Variants in RIN3 observed in about 807,000 individuals in gnomAD.
RIN3 encodes RAB5 interacting protein 3.
In RIN3, 54 loss-of-function variants were observed where a neutral mutation model predicts 76.3. That is an observed-to-expected ratio of 0.71 (90% CI 0.57 to 0.89). The LOEUF is 0.89. Among genes scored for constraint, RIN3 ranks in the 40% least tolerant of loss-of-function variants. The pLI, the probability that RIN3 is intolerant of heterozygous loss-of-function variation, is 0.00. For missense variants in RIN3, 1,256 were observed against 1,322.1 expected, an observed-to-expected ratio of 0.95 and a Z score of 0.78; for synonymous variants, 576 against 564.0, an observed-to-expected ratio of 1.02 and a Z score of -0.30.
chr14:92,583,884 G>A lies in RIN3; in HGVS notation c.367+6407G>A, dbSNP rs570571218. On this transcript the variant is annotated intron_variant, in intron 3 of 9. Transcript: ENST00000216487. ...AGATTCTCATAAGGAGCCTGCAACC[G>A]GGATCCCTTCCATGCACAGTTCACA... 4.2e-4 allele frequency among the ~76,000 whole-genome samples: 64 copies of A among 152,236 alleles called. No individual in the cohort carries two copies. The South Asian group carries it at 4.8e-3, about 11-fold the overall frequency.
intron 3 of RIN3, among the ~76,000 whole-genome samples, 162 bp downstream of exon 3, chr14:92,577,639 T>G (rs992621766): frequency 2.6e-5 from 4 of 152,202 alleles, no homozygotes; most frequent in Non-Finnish European, 5.9e-5. Flanking sequence ...CAGACTTGTT[T>G]TGAACTCAGT....
Position 92,513,807 on chromosome 14 carries a change from G to T in RIN3, c.-126G>T. On this transcript the variant is annotated 5_prime_UTR_variant, in exon 1 of 10. Transcript: ENST00000216487. ...GAAGGGAGCGAGAGCCCCAGAGCGC[G>T]GCGGCAGCGGCGGCCTGGCCCTTCC... The T allele has an allele frequency of 2.0e-6, 1 of 509,982 alleles. No individual in the cohort carries two copies. Among genetic ancestry groups the T allele is most frequent in the African/African-American group, 2.0e-5 (1 of 50,228 alleles). 31.6% of individuals were successfully genotyped at this position (509,982 alleles called of 1,614,324 possible). A position where few individuals can be genotyped will look rare whatever the true frequency, so the allele number is the denominator to read the frequency against.
rs1340896943 is a variant in RIN3 at position 92,623,903 on chromosome 14, C to A, written c.440+8424C>A. On this transcript the variant is annotated intron_variant, in intron 4 of 9. Transcript: ENST00000216487. This position sits in a 1 kb window ranked among gnomAD's most constrained non-coding sequence, Gnocchi z 4.9. ...AGGCTGGATGGCCCTCGGGGGCTCA[C>A]CCTCAAGGTGTTGAGTTTCAGGGAA... 6.6e-6 allele frequency among the ~76,000 whole-genome samples: 1 copy of A among 152,248 alleles called. No individual in the cohort carries two copies. The highest frequency in any genetic ancestry group is 1.5e-5 in the Non-Finnish European group (1 of 68,048).
intron 3 of RIN3, among the ~76,000 whole-genome samples, chr14:92,610,015 TC>T (rs1211654136): frequency 6.6e-6 from 1 of 152,058 alleles, no homozygotes; most frequent in Non-Finnish European, 1.5e-5. Flanking sequence ...TCTTCCAAGA[TC>T]AAGGCGCTGG....
intron 1 of RIN3, among the ~76,000 whole-genome samples, chr14:92,547,738 G>A (rs918776677): frequency 6.8e-5 from 9 of 133,126 alleles, no homozygotes; most frequent in African/African-American, 2.5e-4. Context: ...GAGTCTCGCT[G>A]TGTCACCCAG....
chr14:92,627,310 A>G (rs1248129410), intron 4 of RIN3, among the ~76,000 whole-genome samples: 1 of 152,120 alleles, frequency 6.6e-6, no homozygotes, highest in Non-Finnish European at 1.5e-5. Flanking sequence ...ACTTCATCCT[A>G]TCTGGCCACT....
chr14:92,661,946 A>G (rs1010046085), intron 7 of RIN3, among the ~76,000 whole-genome samples: 2 of 152,160 alleles, frequency 1.3e-5, no homozygotes, highest in African/African-American at 4.8e-5. Context: ...GCAGCCTAGA[A>G]CCCAGAGAAC....
Position 92,585,494 on chromosome 14 carries a change from T to C in RIN3, c.367+8017T>C, listed in dbSNP as rs117075200. 1.3e-3 allele frequency among the ~76,000 whole-genome samples: 201 copies of C among 152,340 alleles called. 1 individual carries two copies. In the East Asian group the frequency reaches 0.016, roughly 12 times the overall value. ...AGTTAGCACAAGGGTTCACTACATT[T>C]GCCCATGACATGGGCTCCCTTCCCA... On this transcript the variant is annotated intron_variant, in intron 3 of 9. Coordinates refer to ENST00000216487, the MANE Select transcript of RIN3 (RefSeq NM_024832.5).
rs142722755 is a variant in RIN3 at position 92,585,068 on chromosome 14, G to A, written c.367+7591G>A. Among the ~76,000 whole-genome samples, 109 of 152,146 alleles carry A rather than the reference G, an allele frequency of 7.2e-4. 1 individual carries two copies. Among genetic ancestry groups the A allele is most frequent in the East Asian group, 9.7e-4 (5 of 5,170 alleles). ...GTTGCCCAGGCTACAGTGCGGTGGC[G>A]CAATCATAGCTCACTGCAACCGCAG... On this transcript the variant is annotated intron_variant, in intron 3 of 9. Coordinates refer to ENST00000216487, the MANE Select transcript of RIN3 (RefSeq NM_024832.5).
At chr14:92,579,218 G>A (rs908511026) in intron 3 of RIN3, among the ~76,000 whole-genome samples, 3 of 152,300 alleles carry the variant, frequency 2.0e-5, no homozygotes, top group South Asian at 2.1e-4. Flanking sequence ...GTGAGCCACC[G>A]TGCCCGGCCC....
At chr14:92,628,321 T>G (rs552520993) in intron 4 of RIN3, among the ~76,000 whole-genome samples, 1 of 151,622 alleles carries the variant, frequency 6.6e-6, no homozygotes, top group South Asian at 2.1e-4. Context: ...AATTTGGGGG[T>G]CAAGCAGCAT....
intron 3 of RIN3, among the ~76,000 whole-genome samples, chr14:92,584,785 G>C (rs1007883356): frequency 2.6e-5 from 4 of 152,164 alleles, no homozygotes; most frequent in Non-Finnish European, 5.9e-5. Flanking sequence ...TCATTGATGG[G>C]CTTTGAAGAT....
chr14:92,654,219 CAGA>C (rs1887577908), intron 6 of RIN3, among the ~76,000 whole-genome samples: 1 of 151,522 alleles, frequency 6.6e-6, no homozygotes, highest in African/African-American at 2.4e-5. Flanking sequence ...GAGGCTGAGG[CAGA>C]AGAATTGCTT....
chr14:92,565,281 A>G (rs961662113), intron 2 of RIN3, among the ~76,000 whole-genome samples: 1 of 152,090 alleles, frequency 6.6e-6, no homozygotes, highest in African/African-American at 2.4e-5. Flanking sequence ...GCTTTGTGAC[A>G]TTCGTTCTCA....
Position 92,688,198 on chromosome 14 carries a change from CG to C in RIN3, c.2906del (p.Gly969AlafsTer55). On this transcript the variant is annotated frameshift_variant, in exon 10 of 10. Transcript: ENST00000216487. LOFTEE classifies it high-confidence loss of function. ...VYRPLDGGGG[G>X]GGGSPPCLVV... is the part of the protein sequence containing the mutation. ...ACCGGCCCCTGGACGGTGGTGGCGG[CG>C]GCGGCGGCGGGAGCCCGCCCTGCCT... 1 of 1,380,366 alleles carries C rather than the reference CG, an allele frequency of 7.2e-7. No homozygotes were observed. Among genetic ancestry groups the C allele is most frequent in the Admixed American group, 1.8e-5 (1 of 56,554 alleles). 85.5% of individuals were successfully genotyped at this position (1,380,366 alleles called of 1,614,324 possible).
chr14:92,684,754 A>T (rs1428800034), intron 8 of RIN3, among the ~76,000 whole-genome samples: 2 of 152,174 alleles, frequency 1.3e-5, no homozygotes, highest in Admixed American at 1.3e-4. Flanking sequence ...AAGGGGAGCC[A>T]GTGAAAAGTT....
In RIN3 at chr14:92,652,048, G is replaced by A. The variant is rs377219550; in HGVS notation, c.999G>A (p.Pro333=). The A allele has an allele frequency of 1.1e-4, 169 of 1,491,594 alleles. No individual in the cohort carries two copies. In the East Asian group the frequency reaches 2.6e-3, roughly 23 times the overall value. The allele number at this position is 1,491,594 out of a possible 1,614,324, so 92.4% of individuals were successfully genotyped here. A position where few individuals can be genotyped will look rare whatever the true frequency, so the allele number is the denominator to read the frequency against. ...ATGCCCCAGGTCCCCCAGACCATCC[G>A]AACCAGCCGCCCATGATGACCTGCG... ...TPHAPGPPDH[P]NQPPMMTCER... is the part of the protein sequence containing the mutation. The change falls in exon 6 of 10, where the codon CCG becomes CCA. Residue 333 remains proline, a synonymous_variant. Coordinates refer to ENST00000216487, the MANE Select transcript of RIN3 (RefSeq NM_024832.5). This position sits in a 1 kb window ranked among gnomAD's most constrained non-coding sequence, Gnocchi z 6.4.
Position 92,629,539 on chromosome 14 carries a change from C to T in RIN3, c.441-11699C>T, listed in dbSNP as rs1414158283. 2.6e-5 allele frequency among the ~76,000 whole-genome samples: 4 copies of T among 152,320 alleles called. No homozygotes were observed. The East Asian group carries it at 7.7e-4, about 29-fold the overall frequency. Reference sequence around the variant, plus strand: ...AAAGATACAAAGTCATTTACTTGGCCTGCGCCCTATGGAGAGGATATTTCC... The same window carrying T: ...AAAGATACAAAGTCATTTACTTGGCTTGCGCCCTATGGAGAGGATATTTCC... On this transcript the variant is annotated intron_variant, in intron 4 of 9. Coordinates refer to ENST00000216487, the MANE Select transcript of RIN3 (RefSeq NM_024832.5).
rs550241204 is a variant in RIN3, at chr14:92,514,738, G to A, written c.44+762G>A. 8.5e-5 allele frequency among the ~76,000 whole-genome samples: 13 copies of A among 152,342 alleles called. 1 individual carries two copies. The South Asian group carries it at 2.7e-3, about 32-fold the overall frequency. Reference sequence around the variant, plus strand: ...GCCCCCAGCCCCACCTCGCGAGCTCGGGCATTGCTCGGGGCTGGGCTCTGG... The same window carrying A: ...GCCCCCAGCCCCACCTCGCGAGCTCAGGCATTGCTCGGGGCTGGGCTCTGG... On this transcript the variant is annotated intron_variant, in intron 1 of 9. Transcript: ENST00000216487. The surrounding 1 kb of genome is among the most constrained non-coding windows in gnomAD (Gnocchi z 7.2).
Sources: allele counts gnomAD v4.1 joint callset (sites outside exome capture counted in the v4.1 genomes callset), GRCh38; gene constraint gnomAD v4.1.1; non-coding constraint Gnocchi (gnomAD v3.1); transcripts MANE v1.5; gene names NCBI Gene and HGNC (gene_info 2026-07-23, HGNC 2026-07-21).